Variants in PLEKHO2 observed in about 807,000 individuals in gnomAD.
The protein encoded by PLEKHO2 is pleckstrin homology domain containing O2.
A neutral mutation model predicts 32.7 loss-of-function variants in PLEKHO2; 20 were observed. The observed-to-expected ratio is 0.61, with a 90% CI of 0.43 to 0.89. The LOEUF is 0.89. Ranked by LOEUF, PLEKHO2 falls within the 40% of genes least tolerant of loss-of-function variation. The pLI is 0.00. For synonymous variants in PLEKHO2, 247 were observed against 246.3 expected, an observed-to-expected ratio of 1.00 and a Z score of -0.03; for missense variants, 568 against 621.2, an observed-to-expected ratio of 0.91 and a Z score of 0.91.
intron 1 of PLEKHO2, among the ~76,000 whole-genome samples, chr15:64,845,898 T>C (rs1395482066): frequency 6.6e-6 from 1 of 152,046 alleles, no homozygotes; most frequent in Non-Finnish European, 1.5e-5. Context: ...AGAGGCGAGC[T>C]TGGAGCTCAG....
At chr15:64,864,858 A>G (rs2140346808) in intron 5 of PLEKHO2, 41 bp from the exon 6 acceptor site, 1 of 1,535,074 alleles carries the variant, frequency 6.5e-7, no homozygotes, top group Non-Finnish European at 8.8e-7. Context: ...CCCAATGGCT[A>G]GTCAGCCAAG....
At chr15:64,843,482 C>T (rs548104355) in intron 1 of PLEKHO2, among the ~76,000 whole-genome samples, 2 of 152,274 alleles carry the variant, frequency 1.3e-5, no homozygotes, top group Admixed American at 6.5e-5. Context: ...TCCTGATCTG[C>T]GCTGGCCCCT....
chr15:64,865,093 G>C lies in PLEKHO2; in HGVS notation c.678G>C (p.Val226=), dbSNP rs145130868. The change falls in exon 6 of 6, where the codon GTG becomes GTC. Residue 226 remains valine (V), a synonymous_variant. Coordinates refer to ENST00000323544, the MANE Select transcript of PLEKHO2 (RefSeq NM_025201.5). ...TSPGDRVETP[V]GERAPTPVSA... ...CTGGTGACAGGGTGGAGACCCCTGT[G>C]GGGGAGAGAGCCCCAACCCCTGTCT... is the stretch of plus-strand genomic sequence containing the variant. 2 of 1,614,076 alleles carry C rather than the reference G, an allele frequency of 1.2e-6. No homozygotes were observed. Among genetic ancestry groups the C allele is most frequent in the Non-Finnish European group, 1.7e-6 (2 of 1,180,006 alleles).
At position 64,866,742 on chromosome 15, in the gene PLEKHO2, T is replaced by A. The variant is rs1352913532; in HGVS notation, c.*854T>A. ...GATGTCCACATTAGAAAAACTTACT[T>A]GTAATGATCATGTCAGCCTTCAGAA... On this transcript the variant is annotated 3_prime_UTR_variant, in exon 6 of 6. Transcript: ENST00000323544. 5.9e-6 allele frequency: 1 copy of A among 169,066 alleles called. No homozygotes were observed. Among genetic ancestry groups the A allele is most frequent in the Non-Finnish European group, 1.3e-5 (1 of 78,286 alleles). 10.5% of individuals were successfully genotyped at this position (169,066 alleles called of 1,614,324 possible). A position where few individuals can be genotyped will look rare whatever the true frequency, so the allele number is the denominator to read the frequency against.
intron 5 of PLEKHO2, 29 bp downstream of exon 5, chr15:64,861,604 G>A (rs201162598): frequency 1.9e-6 from 3 of 1,538,724 alleles, no homozygotes; most frequent in Non-Finnish European, 2.6e-6. Flanking sequence ...TGGATGTTGG[G>A]GTTAGTTGAG....
intron 4 of PLEKHO2, among the ~76,000 whole-genome samples, chr15:64,860,854 G>C (rs1317254272): frequency 6.6e-6 from 1 of 152,252 alleles, no homozygotes; most frequent in Non-Finnish European, 1.5e-5. Context: ...GAGGGACAGA[G>C]GGACAGAGGG....
Position 64,842,547 on chromosome 15 carries a change from C to T in PLEKHO2, c.12+519C>T, listed in dbSNP as rs573308506. Among the ~76,000 whole-genome samples, 523 of 151,520 alleles carry T rather than the reference C, an allele frequency of 3.5e-3. 5 individuals carry two copies. Among genetic ancestry groups the T allele is most frequent in the Non-Finnish European group, 6.4e-3 (437 of 67,934 alleles). ...GGGGTTCCTGTCTCAAGGATGTGACCATGCTTTGGTGGCAGGAGGATTGGA... is the reference window on the plus strand; with the variant it reads ...GGGGTTCCTGTCTCAAGGATGTGACTATGCTTTGGTGGCAGGAGGATTGGA... On this transcript the variant is annotated intron_variant, in intron 1 of 5. Coordinates refer to ENST00000323544, the MANE Select transcript of PLEKHO2 (RefSeq NM_025201.5).
rs575171376 is a variant in PLEKHO2, at chr15:64,854,103, C to T, written c.163-818C>T. 2.0e-5 allele frequency among the ~76,000 whole-genome samples: 3 copies of T among 152,314 alleles called. No individual in the cohort carries two copies. The East Asian group carries it at 5.8e-4, about 29-fold the overall frequency. On this transcript the variant is annotated intron_variant, in intron 2 of 5. Coordinates refer to ENST00000323544, the MANE Select transcript of PLEKHO2 (RefSeq NM_025201.5). ...CTGGAAGAGGACCAGTTGACCACCA[C>T]TGAGGGAGGAGCTTTTCCCAGGCAG... is the stretch of plus-strand genomic sequence containing the variant.
Position 64,866,523 on chromosome 15 carries a change from G to C in PLEKHO2, c.*635G>C, listed in dbSNP as rs1332826953. 5.3e-6 allele frequency: 2 copies of C among 380,530 alleles called. No individual in the cohort carries two copies. The highest frequency in any genetic ancestry group is 1.0e-5 in the Non-Finnish European group (2 of 190,526). 23.6% of individuals were successfully genotyped at this position (380,530 alleles called of 1,614,324 possible). Reference sequence around the variant, plus strand: ...TTAGCTGTGTGGCCTCTCTCTCTTTGGCCCTGTTTCCTTTTTTGCAAAACA... The same window carrying C: ...TTAGCTGTGTGGCCTCTCTCTCTTTCGCCCTGTTTCCTTTTTTGCAAAACA... On this transcript the variant is annotated 3_prime_UTR_variant, in exon 6 of 6. Coordinates refer to ENST00000323544, the MANE Select transcript of PLEKHO2 (RefSeq NM_025201.5).
intron 1 of PLEKHO2, 21 bp downstream of exon 1, chr15:64,842,049 G>A (rs1447033496): frequency 1.6e-6 from 2 of 1,238,458 alleles, no homozygotes; most frequent in Non-Finnish European, 2.0e-6. Context: ...GGCCCGGCGG[G>A]GCGTTGGGCT....
At chr15:64,859,601 G>C (rs1425363112) in intron 3 of PLEKHO2, among the ~76,000 whole-genome samples, 1 of 152,222 alleles carries the variant, frequency 6.6e-6, no homozygotes, top group Non-Finnish European at 1.5e-5. Context: ...AGAGTAAACG[G>C]AAGCCCAGAG....
At chr15:64,864,748 A>G (rs565855802) in intron 5 of PLEKHO2, 151 bp from the exon 6 acceptor site, 27 of 661,948 alleles carry the variant, frequency 4.1e-5, no homozygotes, top group Non-Finnish European at 6.4e-5. Context: ...GCTTCTAATT[A>G]AGTAGCCACA....
At position 64,865,357 on chromosome 15, in the gene PLEKHO2, C is replaced by T; in HGVS notation, c.942C>T (p.Pro314=). The T allele has an allele frequency of 6.2e-7, 1 of 1,613,720 alleles. No individual in the cohort carries two copies. The highest frequency in any genetic ancestry group is 1.7e-5 in the Admixed American group (1 of 59,958). ...GTGGGAAGCCCCCTACACCCCCACC[C>T]AAGATCTTATCAGAGAAACTGAAAG... is the stretch of plus-strand genomic sequence containing the variant. ...REGGKPPTPP[P]KILSEKLKAS... is the part of the protein sequence containing the mutation. The change falls in exon 6 of 6, where the codon CCC becomes CCT. Residue 314 remains proline (P), a synonymous_variant. Coordinates refer to ENST00000323544, the MANE Select transcript of PLEKHO2 (RefSeq NM_025201.5).
chr15:64,866,618 A>C lies in PLEKHO2; in HGVS notation c.*730A>C, dbSNP rs1007395886. 1 of 325,928 alleles carries C rather than the reference A, an allele frequency of 3.1e-6. No homozygotes were observed. The highest frequency in any genetic ancestry group is 2.2e-5 in the African/African-American group (1 of 46,092). The allele number at this position is 325,928 out of a possible 1,614,324, so 20.2% of individuals were successfully genotyped here. On this transcript the variant is annotated 3_prime_UTR_variant, in exon 6 of 6. Coordinates refer to ENST00000323544, the MANE Select transcript of PLEKHO2 (RefSeq NM_025201.5). Reference sequence around the variant, plus strand: ...AGGGCTTAGGTCTGGAGGATTCAAGAGTGGAAGAGGAATTTAAGGGGTCCC... The same window carrying C: ...AGGGCTTAGGTCTGGAGGATTCAAGCGTGGAAGAGGAATTTAAGGGGTCCC...
chr15:64,848,137 C>T (rs1237400686), intron 1 of PLEKHO2, among the ~76,000 whole-genome samples: 2 of 152,208 alleles, frequency 1.3e-5, no homozygotes, highest in Non-Finnish European at 2.9e-5. Flanking sequence ...ATGTTGTAAG[C>T]ACTCAGTACA....
chr15:64,845,446 T>G (rs1403822340), intron 1 of PLEKHO2, among the ~76,000 whole-genome samples: 1 of 151,832 alleles, frequency 6.6e-6, no homozygotes, highest in African/African-American at 2.4e-5. Flanking sequence ...GAGGGGCCCC[T>G]TATTAAAACT....
intron 1 of PLEKHO2, among the ~76,000 whole-genome samples, chr15:64,842,273 C>T (rs2084489998): frequency 6.6e-6 from 1 of 152,200 alleles, no homozygotes; most frequent in South Asian, 2.1e-4. Flanking sequence ...TTACCGTTCC[C>T]ATTGGATTGA....
In PLEKHO2 at chr15:64,865,580, T is replaced by C. The variant is rs1186020824; in HGVS notation, c.1165T>C (p.Ser389Pro). 1.2e-6 allele frequency: 2 copies of C among 1,613,988 alleles called. No homozygotes were observed. The highest frequency in any genetic ancestry group is 1.7e-6 in the Non-Finnish European group (2 of 1,180,018). Reference sequence around the variant, plus strand: ...GCCACCTCAGTTCCATCCCCGCTGCTCCTCCCTTGGGGACTTGCTTGGGGA... The same window carrying C: ...GCCACCTCAGTTCCATCCCCGCTGCCCCTCCCTTGGGGACTTGCTTGGGGA... ...DLPPQFHPRCSSLGDLLGEGP... is the reference protein window; with the variant it reads ...DLPPQFHPRCPSLGDLLGEGP... The change falls in exon 6 of 6, where the codon TCC (serine) becomes CCC (proline). Residue 389 changes from serine to proline, a missense_variant. Transcript: ENST00000323544.
At position 64,867,619 on chromosome 15, in the gene PLEKHO2, C is replaced by T. The variant is rs1413175887; in HGVS notation, c.*1731C>T. 1 of 152,258 alleles carries T rather than the reference C, an allele frequency of 6.6e-6. No individual in the cohort carries two copies. Among genetic ancestry groups the T allele is most frequent in the Non-Finnish European group, 1.5e-5 (1 of 68,094 alleles). The allele number at this position is 152,258 out of a possible 1,614,324, so 9.4% of individuals were successfully genotyped here. ...GGGCTTTAGCCAAGCCACCTACTGCCAGGAATTGGAGCCTCAGTTCCCTCC... is the reference window on the plus strand; with the variant it reads ...GGGCTTTAGCCAAGCCACCTACTGCTAGGAATTGGAGCCTCAGTTCCCTCC... On this transcript the variant is annotated 3_prime_UTR_variant, in exon 6 of 6. Coordinates refer to ENST00000323544, the MANE Select transcript of PLEKHO2 (RefSeq NM_025201.5).
Sources: allele counts gnomAD v4.1 joint callset (sites outside exome capture counted in the v4.1 genomes callset), GRCh38; gene constraint gnomAD v4.1.1; transcripts MANE v1.5; gene names NCBI Gene and HGNC (gene_info 2026-07-23, HGNC 2026-07-21).